Variants in PTH2R observed in about 807,000 individuals in gnomAD.
PTH2R encodes the protein PTH2 receptor.
A neutral mutation model predicts 60.3 loss-of-function variants in PTH2R; 59 were observed. The ratio of observed to expected loss-of-function variants is 0.98; its 90% CI spans 0.79 to 1.22. The LOEUF is 1.22. Among genes scored for constraint, PTH2R ranks in the 50% most tolerant of loss-of-function variants. The pLI is 0.00. For synonymous variants in PTH2R, 256 were observed against 243.8 expected, an observed-to-expected ratio of 1.05 and a Z score of -0.47; for missense variants, 749 against 682.6, an observed-to-expected ratio of 1.10 and a Z score of -1.08.
At chr2:208,458,288 A>G (rs1702555962) in intron 8 of PTH2R, among the ~76,000 whole-genome samples, 1 of 152,184 alleles carries the variant, frequency 6.6e-6, no homozygotes, top group South Asian at 2.1e-4. Flanking sequence ...CCCATGTAGA[A>G]CTTAAACTCA....
rs1489258268 is a variant in PTH2R, at chr2:208,423,480, T to C, written c.76-4721T>C. Among the ~76,000 whole-genome samples the C allele has an allele frequency of 4.6e-5, 7 of 152,350 alleles. No homozygotes were observed. The East Asian group carries it at 1.2e-3, about 25-fold the overall frequency. On this transcript the variant is annotated intron_variant, in intron 1 of 12. Coordinates refer to ENST00000272847, the MANE Select transcript of PTH2R (RefSeq NM_005048.4). ...AGAACTCTGTATGCTTGCAATTCTT[T>C]TAAAATTGTTGAGATTTGTTTTATG...
At chr2:208,399,703 C>G (rs1423200792) in intron 1 of PTH2R, among the ~76,000 whole-genome samples, 2 of 152,054 alleles carry the variant, frequency 1.3e-5, no homozygotes, top group Non-Finnish European at 2.9e-5. Context: ...TGACTTTTCC[C>G]TATGTTGAAT....
rs200546229 is a variant in PTH2R at position 208,481,172 on chromosome 2, C to T, written c.1076+8C>T. ...CACAAGGAAGCAATACAGGTAATTT[C>T]AGGAGAGGCATCCATCAGAGGAAAT... On this transcript the variant is annotated splice_region_variant and intron_variant, in intron 10 of 12. Coordinates refer to ENST00000272847, the MANE Select transcript of PTH2R (RefSeq NM_005048.4). The T allele has an allele frequency of 3.2e-4, 496 of 1,557,192 alleles. 1 individual carries two copies. The highest frequency in any genetic ancestry group is 5.3e-4 in the Admixed American group (30 of 56,998).
chr2:208,474,889 G>A (rs1702965722), intron 9 of PTH2R, among the ~76,000 whole-genome samples: 1 of 152,140 alleles, frequency 6.6e-6, no homozygotes, highest in Non-Finnish European at 1.5e-5. Context: ...CTGTATGAGA[G>A]ACTGTACTCT....
chr2:208,485,513 A>G (rs964685873), intron 10 of PTH2R, among the ~76,000 whole-genome samples: 1 of 152,232 alleles, frequency 6.6e-6, no homozygotes, highest in Non-Finnish European at 1.5e-5. Context: ...TGATTTGAAT[A>G]GAGAGTAAAA....
chr2:208,407,676 A>T (rs1360190410), intron 1 of PTH2R, among the ~76,000 whole-genome samples: 3 of 152,220 alleles, frequency 2.0e-5, no homozygotes, highest in Non-Finnish European at 4.4e-5. Flanking sequence ...TGTACTGCTA[A>T]TATCATTTAG....
chr2:208,489,904 T>G (rs960542332), intron 11 of PTH2R, among the ~76,000 whole-genome samples: 6 of 152,164 alleles, frequency 3.9e-5, no homozygotes, highest in African/African-American at 1.4e-4. Context: ...ACACTTGTAT[T>G]CCTTTTGCCT....
chr2:208,409,961 G>A (rs1701506201), intron 1 of PTH2R, among the ~76,000 whole-genome samples: 1 of 152,046 alleles, frequency 6.6e-6, no homozygotes, highest in South Asian at 2.1e-4. Flanking sequence ...AAAGGGAGAG[G>A]GAGAAGGATT....
intron 7 of PTH2R, among the ~76,000 whole-genome samples, chr2:208,449,681 T>C (rs555892425): frequency 1.3e-5 from 2 of 152,302 alleles, no homozygotes; most frequent in South Asian, 4.1e-4. Context: ...ACCAAAGACA[T>C]TATTGTGCAT....
At chr2:208,388,573 T>C (rs1484948549) in intron 1 of PTH2R, among the ~76,000 whole-genome samples, 1 of 152,216 alleles carries the variant, frequency 6.6e-6, no homozygotes, top group Non-Finnish European at 1.5e-5. Flanking sequence ...TAAAGAGATA[T>C]TGTAACCCCT....
intron 1 of PTH2R, among the ~76,000 whole-genome samples, chr2:208,419,364 G>A (rs1374001311): frequency 1.3e-5 from 2 of 152,180 alleles, no homozygotes; most frequent in African/African-American, 4.8e-5. Flanking sequence ...ACTTTTTGAT[G>A]GGGTTGTTTG....
intron 10 of PTH2R, among the ~76,000 whole-genome samples, chr2:208,482,889 C>G (rs958761396): frequency 6.6e-6 from 1 of 152,174 alleles, no homozygotes; most frequent in African/African-American, 2.4e-5. Context: ...GGATAGGAAT[C>G]TTGGTGATGT....
At chr2:208,368,154 A>G (rs1700629086) in intron 1 of PTH2R, among the ~76,000 whole-genome samples, 1 of 152,192 alleles carries the variant, frequency 6.6e-6, no homozygotes, top group Non-Finnish European at 1.5e-5. Context: ...TGGTACTCTG[A>G]GGCACCAGCC....
At chr2:208,461,318 C>T (rs988312345) in intron 9 of PTH2R, among the ~76,000 whole-genome samples, 4 of 152,056 alleles carry the variant, frequency 2.6e-5, no homozygotes, top group African/African-American at 9.7e-5. Context: ...GTAACTATAT[C>T]CCTGAGAGAC....
intron 2 of PTH2R, among the ~76,000 whole-genome samples, chr2:208,435,581 G>T (rs138388417): frequency 5.3e-5 from 8 of 152,206 alleles, no homozygotes; most frequent in African/African-American, 1.9e-4. Flanking sequence ...GAAGAAGGGG[G>T]CCAAGCAGCT....
At chr2:208,412,038 A>G (rs956988716) in intron 1 of PTH2R, among the ~76,000 whole-genome samples, 2 of 152,202 alleles carry the variant, frequency 1.3e-5, no homozygotes, top group Non-Finnish European at 2.9e-5. Flanking sequence ...GTGTGTATGT[A>G]TGTGAGAATT....
intron 9 of PTH2R, among the ~76,000 whole-genome samples, chr2:208,469,029 T>C (rs1702820014): frequency 6.6e-6 from 1 of 152,308 alleles, no homozygotes; most frequent in African/African-American, 2.4e-5. Flanking sequence ...TGCAATCTTT[T>C]CAATTTCTAG....
chr2:208,430,731 T>A (rs13001504), intron 2 of PTH2R, among the ~76,000 whole-genome samples: 2 of 151,866 alleles, frequency 1.3e-5, no homozygotes, highest in Non-Finnish European at 2.9e-5. Context: ...GTATTTTTTG[T>A]TTTTTGTATT....
At chr2:208,478,509 A>C (rs1703071443) in intron 9 of PTH2R, among the ~76,000 whole-genome samples, 1 of 151,400 alleles carries the variant, frequency 6.6e-6, no homozygotes, top group Non-Finnish European at 1.5e-5. Context: ...CCTTTCTCAA[A>C]CTCTCAAGTC....
Sources: allele counts gnomAD v4.1 joint callset (sites outside exome capture counted in the v4.1 genomes callset), GRCh38; gene constraint gnomAD v4.1.1; transcripts MANE v1.5; gene names NCBI Gene and HGNC (gene_info 2026-07-23, HGNC 2026-07-21).